DYNC1H1: variants seen among roughly 807,000 people sequenced by gnomAD.
DYNC1H1 encodes cytoplasmic dynein 1 heavy chain 1.
In DYNC1H1, 51 loss-of-function variants were observed where a neutral mutation model predicts 527.1. The observed-to-expected ratio is 0.10, with a 90% CI of 0.08 to 0.12. DYNC1H1 has a LOEUF of 0.12. DYNC1H1 is among the 10% of genes least tolerant of loss of function. The pLI is 1.00. For missense variants in DYNC1H1, 2,771 were observed against 5,971.8 expected (o/e 0.46, Z 17.66); for synonymous variants, 2,189 against 2,278.8 (o/e 0.96, Z 1.12).
chr14:101,986,360 G>C lies in DYNC1H1; in HGVS notation c.2135G>C (p.Gly712Ala), dbSNP rs1177774954. 1 of 1,614,148 alleles carries C rather than the reference G, an allele frequency of 6.2e-7. No homozygotes were observed. Among genetic ancestry groups the C allele is most frequent in the Admixed American group, 1.7e-5 (1 of 60,008 alleles). Reference protein sequence around the residue: ...WARKVQQRNLGVSGRIFTIES... With the variant: ...WARKVQQRNLAVSGRIFTIES... ...AGGAAGGTGCAGCAGCGCAACCTCGGTGTCTCGGGGCGCATTTTCACCATC... is the reference window on the plus strand; with the variant it reads ...AGGAAGGTGCAGCAGCGCAACCTCGCTGTCTCGGGGCGCATTTTCACCATC... Residue 712 changes from glycine (G) to alanine (A), a missense_variant, in exon 8 of 78, where the codon GGT becomes GCT. Physicochemically the swap from Gly to Ala is moderately conservative, Grantham distance 60. Around this residue, in one of 32 missense-constraint regions of DYNC1H1, gnomAD observed 264 missense variants for 619.4 expected, o/e 0.43. Coordinates refer to ENST00000360184, the MANE Select transcript of DYNC1H1 (RefSeq NM_001376.5). This position sits in a 1 kb window ranked among gnomAD's most constrained non-coding sequence, Gnocchi z 8.7.
In DYNC1H1 at chr14:102,032,291, G is replaced by A. The variant is rs374398934; in HGVS notation, c.9903G>A (p.Lys3301=). 2 of 1,614,070 alleles carry A rather than the reference G, an allele frequency of 1.2e-6. No individual in the cohort carries two copies. Among genetic ancestry groups the A allele is most frequent in the Non-Finnish European group, 1.7e-6 (2 of 1,180,040 alleles). The change falls in exon 52 of 78, where the codon AAG becomes AAA. Residue 3301 remains lysine (K), a synonymous_variant. Transcript: ENST00000360184. The stretch of plus-strand genomic sequence containing the variant: ...ACTCAGCTGTGAAGTCGATCAAGAA[G>A]CAGCACCTGGTGGAGGTGAGGTCCA... ...EAQNAVKSIK[K]QHLVEVRSMA...
chr14:102,046,001 C>G (rs2048712494), intron 72 of DYNC1H1, among the ~76,000 whole-genome samples: 1 of 151,924 alleles, frequency 6.6e-6, no homozygotes, highest in Non-Finnish European at 1.5e-5. Flanking sequence ...CCCGTCTCTA[C>G]TAAAAATACA....
chr14:102,046,183 G>A (rs200841578), intron 72 of DYNC1H1, among the ~76,000 whole-genome samples: 21 of 148,674 alleles, frequency 1.4e-4, no homozygotes, highest in Middle Eastern at 3.6e-3. Context: ...AAAAAAAAAA[G>A]AAATGCGGGT....
rs778613903 is a variant in DYNC1H1 at position 102,027,627 on chromosome 14, T to A, written c.9057T>A (p.Gly3019=). 6.2e-7 allele frequency: 1 copy of A among 1,614,030 alleles called. No homozygotes were observed. Among genetic ancestry groups the A allele is most frequent in the Non-Finnish European group, 8.5e-7 (1 of 1,180,012 alleles). Reference sequence around the variant, plus strand: ...ACTGTGCTGTTTCCCAGGTGCCTGGTCTCTTTGAAGGAGACGAGTATGCCA... The same window carrying A: ...ACTGTGCTGTTTCCCAGGTGCCTGGACTCTTTGAAGGAGACGAGTATGCCA... The part of the protein sequence containing the change: ...NTLLANGEVP[G]LFEGDEYATL... Residue 3019 remains glycine (G), a synonymous_variant, in exon 47 of 78, where the codon GGT becomes GGA. Coordinates refer to ENST00000360184, the MANE Select transcript of DYNC1H1 (RefSeq NM_001376.5). The surrounding 1 kb of genome is among the most constrained non-coding windows in gnomAD (Gnocchi z 7.7).
Position 102,000,571 on chromosome 14 carries a change from A to AC in DYNC1H1, c.4074+174dup, listed in dbSNP as rs1214637386. 7.1e-5 allele frequency: 45 copies of AC among 632,108 alleles called. No individual in the cohort carries two copies. In the East Asian group the frequency reaches 1.2e-3, roughly 16 times the overall value. The allele number at this position is 632,108 out of a possible 1,614,324, so 39.2% of individuals were successfully genotyped here. A position where few individuals can be genotyped will look rare whatever the true frequency, so the allele number is the denominator to read the frequency against. On this transcript the variant is annotated intron_variant, in intron 18 of 77. Transcript: ENST00000360184. ...AAAATACTGTAAAACTTATTTTGAA[A>AC]CCTTTTTTTTTTTTTTTTTTGAGAC... is the stretch of plus-strand genomic sequence containing the variant.
intron 69 of DYNC1H1, chr14:102,043,388 T>C (rs1595632694): frequency 4.1e-6 from 1 of 246,882 alleles, no homozygotes; most frequent in Non-Finnish European, 7.9e-6. Flanking sequence ...CATGTTTGAT[T>C]ATGGGGTGTG....
In DYNC1H1 at chr14:102,034,242, G is replaced by A. The variant is rs188711106; in HGVS notation, c.10626+54G>A. 3.0e-5 allele frequency: 48 copies of A among 1,614,232 alleles called. No individual in the cohort carries two copies. In the Admixed American group the frequency reaches 7.7e-4, roughly 26 times the overall value. On this transcript the variant is annotated intron_variant, in intron 55 of 77. Coordinates refer to ENST00000360184, the MANE Select transcript of DYNC1H1 (RefSeq NM_001376.5). ...TGTGCGAGCAGTGTGAGGCAAGCTG[G>A]TGTTTAGTGCACAGTTAGAGTCTTG...
Position 102,036,150 on chromosome 14 carries a change from C to T in DYNC1H1, c.10755-339C>T, listed in dbSNP as rs1234935351. ...TGCTGCGACATCATTGATGTTGATA[C>T]GTGCTGTCTAGAAGGATCGTAAACA... On this transcript the variant is annotated intron_variant, in intron 56 of 77. Transcript: ENST00000360184. The surrounding 1 kb of genome is among the most constrained non-coding windows in gnomAD (Gnocchi z 5.6). 3 of 305,296 alleles carry T rather than the reference C, an allele frequency of 9.8e-6. No individual in the cohort carries two copies. Among genetic ancestry groups the T allele is most frequent in the South Asian group, 3.1e-5 (1 of 32,598 alleles). 18.9% of individuals were successfully genotyped at this position (305,296 alleles called of 1,614,324 possible).
intron 72 of DYNC1H1, among the ~76,000 whole-genome samples, chr14:102,046,735 T>TGAACCC (rs1243797792): frequency 1.3e-5 from 2 of 151,528 alleles, no homozygotes; most frequent in Non-Finnish European, 2.9e-5. Context: ...GGTCTCACAG[T>TGAACCC]GAACCCAAAC....
At position 102,015,767 on chromosome 14, in the gene DYNC1H1, G is replaced by T; in HGVS notation, c.7243-89G>T. 1 of 1,421,812 alleles carries T rather than the reference G, an allele frequency of 7.0e-7. No homozygotes were observed. The allele number at this position is 1,421,812 out of a possible 1,614,324, so 88.1% of individuals were successfully genotyped here. The stretch of plus-strand genomic sequence containing the variant: ...CATCCAAAATGAGTTTTCCAAGGTC[G>T]TATGACCTTCTCCTGGGACCAGGTT... On this transcript the variant is annotated intron_variant, in intron 35 of 77. Transcript: ENST00000360184. The surrounding 1 kb of genome is among the most constrained non-coding windows in gnomAD (Gnocchi z 6.9).
intron 72 of DYNC1H1, 176 bp from the exon 73 acceptor site, chr14:102,047,641 G>GTGTGTGTATATA: frequency 6.3e-6 from 2 of 316,758 alleles, no homozygotes; most frequent in African/African-American, 3.9e-5. Flanking sequence ...GTGTGTGTGT[G>GTGTGTGTATATA]TATATATATA....
In DYNC1H1 at chr14:102,006,113, C is replaced by G; in HGVS notation, c.5659C>G (p.Arg1887Gly). Residue 1887 changes from arginine (R) to glycine (G), a missense_variant, in exon 27 of 78, where the codon CGC (arginine) becomes GGC (glycine). Physicochemically the swap from Arg to Gly is moderately radical, Grantham distance 125. Coordinates refer to ENST00000360184, the MANE Select transcript of DYNC1H1 (RefSeq NM_001376.5). ...DKLVQTPLTD[R>G]CYLTMTQALE... ...ACTGGTCCAGACCCCCCTCACTGAC[C>G]GCTGCTATTTGACAATGACACAAGC... is the stretch of plus-strand genomic sequence containing the variant. The G allele has an allele frequency of 6.2e-7, 1 of 1,614,188 alleles. No individual in the cohort carries two copies. Among genetic ancestry groups the G allele is most frequent in the Non-Finnish European group, 8.5e-7 (1 of 1,180,038 alleles).
At chr14:102,006,910 T>G in intron 27 of DYNC1H1, 98 bp from the exon 28 acceptor site, 1 of 1,398,808 alleles carries the variant, frequency 7.1e-7, no homozygotes. Context: ...ACTACTTGGA[T>G]TTTTTAAATG....
chr14:102,030,151 C>A lies in DYNC1H1; in HGVS notation c.9763-11C>A. On this transcript the variant is annotated splice_polypyrimidine_tract_variant and intron_variant, in intron 50 of 77. Transcript: ENST00000360184. ...TGCTTAACCCATACCTAAGCCATCC[C>A]TCCTTTCTAGGTTATGAGCCAAGAA... 6.2e-7 allele frequency: 1 copy of A among 1,614,098 alleles called. No homozygotes were observed. Among genetic ancestry groups the A allele is most frequent in the Non-Finnish European group, 8.5e-7 (1 of 1,180,032 alleles).
chr14:102,029,515 G>A lies in DYNC1H1; in HGVS notation c.9469-24G>A. 6.2e-7 allele frequency: 1 copy of A among 1,614,068 alleles called. No individual in the cohort carries two copies. Among genetic ancestry groups the A allele is most frequent in the East Asian group, 2.2e-5 (1 of 44,890 alleles). On this transcript the variant is annotated intron_variant, in intron 48 of 77. Transcript: ENST00000360184. This position sits in a 1 kb window ranked among gnomAD's most constrained non-coding sequence, Gnocchi z 5.3. Reference sequence around the variant, plus strand: ...AGTCACAGAGTTTCCTGAAGAGTGAGAAGATGTAACTATTTTCTGAAAGGC... The same window carrying A: ...AGTCACAGAGTTTCCTGAAGAGTGAAAAGATGTAACTATTTTCTGAAAGGC...
intron 29 of DYNC1H1, 71 bp from the exon 30 acceptor site, chr14:102,009,772 A>G (rs1345694075): frequency 1.2e-6 from 2 of 1,609,874 alleles, no homozygotes; most frequent in African/African-American, 1.3e-5. Context: ...GTTGTTTTAG[A>G]GACATTTTAG....
chr14:102,042,108 C>T lies in DYNC1H1; in HGVS notation c.12198C>T (p.Ile4066=). 6.2e-7 allele frequency: 1 copy of T among 1,614,098 alleles called. No homozygotes were observed. Among genetic ancestry groups the T allele is most frequent in the Non-Finnish European group, 8.5e-7 (1 of 1,180,028 alleles). ...EDLAAEQNTQ[I]TSIAIGSAEG... Reference sequence around the variant, plus strand: ...TTGCAGCCGAGCAGAACACGCAGATCACTTCAATTGCAATCGGTAAGGATG... The same window carrying T: ...TTGCAGCCGAGCAGAACACGCAGATTACTTCAATTGCAATCGGTAAGGATG... The change falls in exon 66 of 78, where the codon ATC becomes ATT. Residue 4066 remains isoleucine (I), a synonymous_variant. Transcript: ENST00000360184. The surrounding 1 kb of genome is among the most constrained non-coding windows in gnomAD (Gnocchi z 5.7).
Position 102,011,694 on chromosome 14 carries a change from G to A in DYNC1H1, c.6619-181G>A. 1 of 639,290 alleles carries A rather than the reference G, an allele frequency of 1.6e-6. No individual in the cohort carries two copies. Among genetic ancestry groups the A allele is most frequent in the East Asian group, 2.8e-5 (1 of 35,390 alleles). 39.6% of individuals were successfully genotyped at this position (639,290 alleles called of 1,614,324 possible). A position where few individuals can be genotyped will look rare whatever the true frequency, so the allele number is the denominator to read the frequency against. On this transcript the variant is annotated intron_variant, in intron 32 of 77. Coordinates refer to ENST00000360184, the MANE Select transcript of DYNC1H1 (RefSeq NM_001376.5). The surrounding 1 kb of genome is among the most constrained non-coding windows in gnomAD (Gnocchi z 5.3). ...TTGAACCTGGGAGGTGGAGCTTGCG[G>A]TGAGCTGAGATCGTGCCACTGCATT...
intron 51 of DYNC1H1, among the ~76,000 whole-genome samples, chr14:102,031,659 T>G (rs2048512064): frequency 6.6e-6 from 1 of 152,304 alleles, no homozygotes; most frequent in Admixed American, 6.5e-5. Flanking sequence ...AAAATATTTT[T>G]TTAAAATATT....
Sources: allele counts gnomAD v4.1 joint callset (sites outside exome capture counted in the v4.1 genomes callset), GRCh38; gene constraint gnomAD v4.1.1; regional missense constraint gnomAD v4.1.1; non-coding constraint Gnocchi (gnomAD v3.1); transcripts MANE v1.5; gene names NCBI Gene and HGNC (gene_info 2026-07-23, HGNC 2026-07-21).